The following ARMC9 variants were observed in gnomAD, a reference collection of about 807,000 sequenced individuals.
ARMC9 encodes armadillo repeat containing 9.
In ARMC9, 94 loss-of-function variants were observed where a neutral mutation model predicts 107.0. That is an observed-to-expected ratio of 0.88 (90% CI 0.74 to 1.04). The LOEUF (loss-of-function observed/expected upper bound fraction) is 1.04. Ranked by LOEUF, ARMC9 falls within the 50% of genes least tolerant of loss-of-function variation. The pLI is 0.00. For missense variants in ARMC9, 942 were observed against 1,030.1 expected (o/e 0.91, Z 1.17); for synonymous variants, 380 against 396.9 (o/e 0.96, Z 0.51).
At chr2:231,334,605 G>T (rs1216474150) in intron 20 of ARMC9, among the ~76,000 whole-genome samples, 1 of 152,200 alleles carries the variant, frequency 6.6e-6, no homozygotes, top group Non-Finnish European at 1.5e-5. Flanking sequence ...CCACCATTCA[G>T]CTGACCACAC....
intron 9 of ARMC9, among the ~76,000 whole-genome samples, chr2:231,251,747 A>T (rs1443983021): frequency 6.6e-6 from 1 of 151,806 alleles, no homozygotes; most frequent in African/African-American, 2.4e-5. Context: ...TTTTTTTGAG[A>T]CAGGGTCTTG....
intron 13 of ARMC9, among the ~76,000 whole-genome samples, chr2:231,272,530 G>GTTTA (rs2039427346): frequency 6.7e-6 from 1 of 150,088 alleles, no homozygotes; most frequent in Non-Finnish European, 1.5e-5. Context: ...TTGTTTGTTT[G>GTTTA]TTTTGAGATG....
chr2:231,261,419 C>G (rs574332996), intron 11 of ARMC9, among the ~76,000 whole-genome samples: 1 of 152,346 alleles, frequency 6.6e-6, no homozygotes, highest in East Asian at 1.9e-4. Context: ...CATGCATGCA[C>G]GCACACACAC....
rs1377074740 is a variant in ARMC9, at chr2:231,352,940, G to A, written c.1995-2858G>A. 4.4e-5 allele frequency among the ~76,000 whole-genome samples: 6 copies of A among 136,502 alleles called. 1 individual carries two copies. The highest frequency in any genetic ancestry group is 1.4e-4 in the Admixed American group (2 of 14,802). The allele number at this position is 136,502 out of a possible 152,430, so 89.6% of individuals were successfully genotyped here. ...AATTTGGCCGGGCGCCATGGCTCAC[G>A]CCTGTAATCCCAGCACTTTGGGAGG... On this transcript the variant is annotated intron_variant, in intron 21 of 24. Transcript: ENST00000611582.
Position 231,374,850 on chromosome 2 carries a change from G to C in ARMC9, c.*3315G>C, listed in dbSNP as rs1275764900. On this transcript the variant is annotated 3_prime_UTR_variant, in exon 25 of 25. Coordinates refer to ENST00000611582, the MANE Select transcript of ARMC9 (RefSeq NM_001352754.2). ...TCATGTGTCTTCATTACTGAGTTTT[G>C]GGGTAGCCCTTTAAATTTTGTATGC... 6.6e-6 allele frequency: 1 copy of C among 151,894 alleles called. No homozygotes were observed. The highest frequency in any genetic ancestry group is 1.9e-4 in the East Asian group (1 of 5,184). The allele number at this position is 151,894 out of a possible 1,614,324, so 9.4% of individuals were successfully genotyped here.
chr2:231,226,931 C>A, intron 7 of ARMC9, 133 bp downstream of exon 7: 2 of 1,060,518 alleles, frequency 1.9e-6, no homozygotes, highest in Non-Finnish European at 1.4e-6. Flanking sequence ...AAAGGCTTTG[C>A]AGTCATAGTG....
intron 21 of ARMC9, among the ~76,000 whole-genome samples, chr2:231,349,059 T>A (rs764566126): frequency 1.3e-5 from 2 of 152,188 alleles, no homozygotes; most frequent in Admixed American, 6.5e-5. Flanking sequence ...AGCTACCACA[T>A]GATCCAGCAG....
rs1309375683 is a variant in ARMC9, at chr2:231,273,764, C to T, written c.1334+686C>T. Among the ~76,000 whole-genome samples the T allele has an allele frequency of 3.9e-5, 6 of 152,196 alleles. No individual in the cohort carries two copies. In the South Asian group the frequency reaches 1.2e-3, roughly 32 times the overall value. The stretch of plus-strand genomic sequence containing the variant: ...GTTTTGTTGAGATGTATTTACACAC[C>T]ATAATATTCCCCCATATTAAGCATA... On this transcript the variant is annotated intron_variant, in intron 14 of 24. Transcript: ENST00000611582.
intron 19 of ARMC9, among the ~76,000 whole-genome samples, chr2:231,324,123 C>CTTTTTTTTTTTT (rs71296842): frequency 6.7e-5 from 6 of 89,250 alleles, no homozygotes; most frequent in African/African-American, 4.6e-5. Context: ...TTGTAAAGTA[C>CTTTTTTTTTTTT]TTTTTTTTTT....
intron 20 of ARMC9, among the ~76,000 whole-genome samples, chr2:231,344,224 C>T (rs1292039882): frequency 3.3e-5 from 5 of 152,130 alleles, no homozygotes; most frequent in Non-Finnish European, 5.9e-5. Context: ...AATTGTTTTC[C>T]AAGACTTGTC....
chr2:231,320,865 A>C (rs2042959481), intron 19 of ARMC9, among the ~76,000 whole-genome samples: 2 of 152,192 alleles, frequency 1.3e-5, no homozygotes, highest in African/African-American at 4.8e-5. Flanking sequence ...AGGTGGGGCC[A>C]AGCATGGAAG....
At chr2:231,256,221 T>C (rs2037788650) in intron 9 of ARMC9, 1 of 1,532,992 alleles carries the variant, frequency 6.5e-7, no homozygotes, top group East Asian at 2.4e-5. Context: ...AGCCGATCCA[T>C]CATCCGCAAT....
chr2:231,372,808 A>G lies in ARMC9; in HGVS notation c.*1273A>G, dbSNP rs944222830. ...AGAGAAAAGTCGCGTGCCCTCCCCC[A>G]GGCACCTGATCTGCCCACAGACCCT... On this transcript the variant is annotated 3_prime_UTR_variant, in exon 25 of 25. Coordinates refer to ENST00000611582, the MANE Select transcript of ARMC9 (RefSeq NM_001352754.2). 6.6e-6 allele frequency: 1 copy of G among 152,148 alleles called. No individual in the cohort carries two copies. Among genetic ancestry groups the G allele is most frequent in the Non-Finnish European group, 1.5e-5 (1 of 68,700 alleles). The allele number at this position is 152,148 out of a possible 1,614,324, so 9.4% of individuals were successfully genotyped here.
chr2:231,347,649 T>A (rs186177853), intron 21 of ARMC9, among the ~76,000 whole-genome samples: 1 of 152,310 alleles, frequency 6.6e-6, no homozygotes, highest in Non-Finnish European at 1.5e-5. Context: ...GCCACTCTTC[T>A]CTACACCACC....
At chr2:231,224,861 A>G (rs948616973) in intron 6 of ARMC9, among the ~76,000 whole-genome samples, 1 of 152,208 alleles carries the variant, frequency 6.6e-6, no homozygotes, top group Non-Finnish European at 1.5e-5. Flanking sequence ...AGGGATGGGA[A>G]TTACAGGTAG....
intron 21 of ARMC9, among the ~76,000 whole-genome samples, chr2:231,352,823 T>C (rs1266920100): frequency 6.6e-6 from 1 of 151,152 alleles, no homozygotes; most frequent in Non-Finnish European, 1.5e-5. Flanking sequence ...ATATTATTCA[T>C]AAAATTAGAA....
chr2:231,199,955 C>G (rs553942050), intron 1 of ARMC9, among the ~76,000 whole-genome samples: 1 of 152,170 alleles, frequency 6.6e-6, no homozygotes, highest in African/African-American at 2.4e-5. Flanking sequence ...GCCTCAGCCT[C>G]CCAAAGTGTT....
intron 21 of ARMC9, among the ~76,000 whole-genome samples, chr2:231,347,573 A>G (rs1174499809): frequency 6.6e-6 from 1 of 152,180 alleles, no homozygotes; most frequent in African/African-American, 2.4e-5. Flanking sequence ...ATCATCCTCT[A>G]CAGATAAGAG....
intron 23 of ARMC9, among the ~76,000 whole-genome samples, chr2:231,361,430 G>C (rs951206669): frequency 2.5e-5 from 3 of 120,080 alleles, no homozygotes; most frequent in Non-Finnish European, 4.9e-5. Context: ...GTGAGACCCT[G>C]TCTCAAAAAA....
Sources: gnomAD v4.1 joint callset for allele counts (sites outside exome capture counted in the v4.1 genomes callset) on GRCh38, gnomAD v4.1.1 for gene constraint, MANE v1.5 for transcripts, NCBI Gene and HGNC (gene_info 2026-07-23, HGNC 2026-07-21) for gene names.